Variants in CRY1 observed in about 807,000 individuals in gnomAD.
CRY1 encodes the protein cryptochrome circadian regulator 1, also known as cryptochrome-1.
In CRY1, 45 loss-of-function variants were observed where a neutral mutation model predicts 76.0. The ratio of observed to expected loss-of-function variants is 0.59; its 90% CI spans 0.47 to 0.76. The LOEUF (loss-of-function observed/expected upper bound fraction) is 0.76. CRY1 is among the 30% of genes least tolerant of loss of function. CRY1 has a pLI of 0.00. For synonymous variants in CRY1, 248 were observed against 244.0 expected (o/e 1.02, Z -0.15); for missense variants, 587 against 716.4 (o/e 0.82, Z 2.06).
intron 7 of CRY1, among the ~76,000 whole-genome samples, chr12:106,998,659 AACACACACACACACACACACAC>A (rs10522970): frequency 7.0e-6 from 1 of 143,352 alleles, no homozygotes; most frequent in Non-Finnish European, 1.5e-5. Context: ...TAAGAGATTA[AACACACACACACACACACACAC>A]ACACACACAC....
At chr12:107,065,299 A>G (rs1379643005) in intron 1 of CRY1, among the ~76,000 whole-genome samples, 2 of 151,952 alleles carry the variant, frequency 1.3e-5, no homozygotes, top group Non-Finnish European at 2.9e-5. Context: ...TGTCTGAAAA[A>G]AAAGGAGTAA....
At chr12:107,012,900 T>C (rs901084057) in intron 2 of CRY1, among the ~76,000 whole-genome samples, 4 of 152,178 alleles carry the variant, frequency 2.6e-5, no homozygotes, top group Admixed American at 2.0e-4. Context: ...AAACTAGAAG[T>C]GCAGCCTGAG....
intron 1 of CRY1, among the ~76,000 whole-genome samples, chr12:107,053,378 G>A (rs1045561329): frequency 1.3e-5 from 2 of 152,032 alleles, no homozygotes; most frequent in African/African-American, 4.8e-5. Context: ...GTGCAATGGC[G>A]CAATCTCAGC....
chr12:107,023,748 AC>A (rs1349910699), intron 1 of CRY1, among the ~76,000 whole-genome samples: 1 of 152,150 alleles, frequency 6.6e-6, no homozygotes, highest in Non-Finnish European at 1.5e-5. Flanking sequence ...TTCTATCCCC[AC>A]ATTTATATTT....
At chr12:107,058,399 C>A (rs550266704) in intron 1 of CRY1, among the ~76,000 whole-genome samples, 2 of 151,974 alleles carry the variant, frequency 1.3e-5, no homozygotes, top group Non-Finnish European at 2.9e-5. Context: ...TAACAGAACA[C>A]CACAGACACA....
At chr12:107,041,417 A>T (rs1952798236) in intron 1 of CRY1, among the ~76,000 whole-genome samples, 2 of 152,198 alleles carry the variant, frequency 1.3e-5, no homozygotes, top group South Asian at 4.1e-4. Context: ...CTATCATGGC[A>T]CTTTGTGACA....
intron 1 of CRY1, among the ~76,000 whole-genome samples, chr12:107,034,808 C>T (rs1489865249): frequency 1.3e-5 from 2 of 152,004 alleles, no homozygotes; most frequent in African/African-American, 4.8e-5. Context: ...ACTATCGATA[C>T]AGAAAAAAAT....
chr12:107,034,662 T>A (rs111549941), intron 1 of CRY1, among the ~76,000 whole-genome samples: 52 of 152,066 alleles, frequency 3.4e-4, no homozygotes, highest in African/African-American at 1.1e-3. Context: ...GAATCTGAAA[T>A]CTAAAACACT....
intron 2 of CRY1, among the ~76,000 whole-genome samples, chr12:107,021,212 G>A (rs546482718): frequency 6.6e-6 from 1 of 152,332 alleles, no homozygotes; most frequent in South Asian, 2.1e-4. Flanking sequence ...GAACCCAGGA[G>A]GCAGAGGTTG....
chr12:106,997,341 A>G lies in CRY1; in HGVS notation c.1538T>C (p.Phe513Ser). 6.2e-7 allele frequency: 1 copy of G among 1,614,076 alleles called. No individual in the cohort carries two copies. Among genetic ancestry groups the G allele is most frequent in the Non-Finnish European group, 8.5e-7 (1 of 1,179,962 alleles). Residue 513 changes from phenylalanine to serine, a missense_variant, in exon 10 of 13, where the codon TTC (phenylalanine) becomes TCC (serine). By Grantham distance (155) the Phe-to-Ser change is radical (BLOSUM62 -2). Transcript: ENST00000008527. ...VPSNPNGNGG[F>S]MGYSAENIPG... ...GATATTTTCTGCAGAATATCCCATGAAGCCTCCATTCCCATTAGGATTAGA... is the reference window on the plus strand; with the variant it reads ...GATATTTTCTGCAGAATATCCCATGGAGCCTCCATTCCCATTAGGATTAGA...
intron 1 of CRY1, among the ~76,000 whole-genome samples, chr12:107,041,499 T>C (rs1013014847): frequency 2.0e-5 from 3 of 152,218 alleles, no homozygotes; most frequent in African/African-American, 7.2e-5. Flanking sequence ...CATAAGGCTA[T>C]GTAATTTATG....
chr12:107,019,412 C>T (rs1490267710), intron 2 of CRY1, among the ~76,000 whole-genome samples: 3 of 152,006 alleles, frequency 2.0e-5, no homozygotes, highest in Non-Finnish European at 2.9e-5. Flanking sequence ...ATAATAAGTA[C>T]TATATGTATA....
intron 5 of CRY1, 71 bp from the exon 6 acceptor site, chr12:107,000,153 AT>A (rs975295326): frequency 0.012 from 14,881 of 1,201,500 alleles, no homozygotes; most frequent in South Asian, 0.017. Context: ...CAGAATGGAG[AT>A]TTTTTTTTTT....
chr12:107,068,634 A>G (rs1022797886), intron 1 of CRY1, among the ~76,000 whole-genome samples: 21 of 152,200 alleles, frequency 1.4e-4, no homozygotes, highest in African/African-American at 5.1e-4. Flanking sequence ...ATTCAGTGGC[A>G]TATGAGTACA....
rs1269724344 is a variant in CRY1 at position 106,993,041 on chromosome 12, T to C, written c.1586-5A>G. ...TACCACTCCCTTGAGAGCAACCTGTTAGTATTTAAAACACAGTAAAATTAC... is the reference window on the plus strand; with the variant it reads ...TACCACTCCCTTGAGAGCAACCTGTCAGTATTTAAAACACAGTAAAATTAC... On this transcript the variant is annotated splice_polypyrimidine_tract_variant and splice_region_variant and intron_variant, in intron 10 of 12. Coordinates refer to ENST00000008527, the MANE Select transcript of CRY1 (RefSeq NM_004075.5). 7 of 1,613,620 alleles carry C rather than the reference T, an allele frequency of 4.3e-6. No individual in the cohort carries two copies. Among genetic ancestry groups the C allele is most frequent in the Non-Finnish European group, 5.9e-6 (7 of 1,179,692 alleles).
In CRY1 at chr12:107,039,268, G is replaced by A. The variant is rs187251055; in HGVS notation, c.159-17076C>T. ...AGAGGAAAAAGCTTTGTGACATTGG[G>A]TCTTGGCAATGCTTTCATCAATATG... On this transcript the variant is annotated intron_variant, in intron 1 of 12. Transcript: ENST00000008527. 3.9e-5 allele frequency among the ~76,000 whole-genome samples: 6 copies of A among 152,298 alleles called. No homozygotes were observed. In the East Asian group the frequency reaches 1.2e-3, roughly 29 times the overall value.
At chr12:107,030,233 C>T (rs1952660632) in intron 1 of CRY1, among the ~76,000 whole-genome samples, 1 of 152,166 alleles carries the variant, frequency 6.6e-6, no homozygotes, top group Non-Finnish European at 1.5e-5. Flanking sequence ...CTCTGAATGT[C>T]TATTGTGCTG....
At chr12:107,044,714 A>G (rs986038473) in intron 1 of CRY1, among the ~76,000 whole-genome samples, 3 of 152,246 alleles carry the variant, frequency 2.0e-5, no homozygotes, top group African/African-American at 4.8e-5. Flanking sequence ...TAGCTGAAGA[A>G]TTCAATAAAT....
intron 1 of CRY1, among the ~76,000 whole-genome samples, chr12:107,042,165 C>T (rs114009246): frequency 1.3e-5 from 2 of 152,066 alleles, no homozygotes; most frequent in East Asian, 1.9e-4. Flanking sequence ...GGAGAAGGAA[C>T]AACTCTTCAT....
Sources: allele counts gnomAD v4.1 joint callset (sites outside exome capture counted in the v4.1 genomes callset), GRCh38; gene constraint gnomAD v4.1.1; transcripts MANE v1.5; gene names NCBI Gene and HGNC (gene_info 2026-07-23, HGNC 2026-07-21).